The following CSMD3 variants were observed in gnomAD, a reference collection of about 807,000 sequenced individuals.
The protein encoded by CSMD3 is CUB and Sushi multiple domains 3, also known as CUB and sushi domain-containing protein 3.
In CSMD3, 177 loss-of-function variants were observed where a neutral mutation model predicts 435.2. The observed-to-expected ratio is 0.41, with a 90% confidence interval of 0.36 to 0.46. The LOEUF (loss-of-function observed/expected upper bound fraction) is 0.46, where lower values mean the gene tolerates loss of function less well. CSMD3 is among the 20% of genes least tolerant of loss of function. The pLI is 0.34. For missense variants in CSMD3, 4,265 were observed against 4,504.6 expected (o/e 0.95, Z 1.52); for synonymous variants, 1,656 against 1,520.5 (o/e 1.09, Z -2.07).
At chr8:113,236,612 T>TA (rs1320115691) in intron 3 of CSMD3, among the ~76,000 whole-genome samples, 1 of 152,112 alleles carries the variant, frequency 6.6e-6, no homozygotes, top group Non-Finnish European at 1.5e-5. Flanking sequence ...CTCCAGGACT[T>TA]AGACTAGGGG....
At chr8:112,791,076 T>C (rs1320198841) in intron 13 of CSMD3, among the ~76,000 whole-genome samples, 17 of 151,890 alleles carry the variant, frequency 1.1e-4, no homozygotes, top group Admixed American at 1.1e-3. Context: ...TAACCTCAGG[T>C]CTTTGGGAAG....
rs572159822 is a variant in CSMD3 at position 112,258,218 on chromosome 8, C to T, written c.9863-2791G>A. Among the ~76,000 whole-genome samples the T allele has an allele frequency of 4.6e-5, 7 of 152,146 alleles. No individual in the cohort carries two copies. In the South Asian group the frequency reaches 6.2e-4, roughly 14 times the overall value. On this transcript the variant is annotated intron_variant, in intron 61 of 70. Transcript: ENST00000297405. ...ACAATACCAATCAGGACATAGGCATCGGCAAAGACTTCATGTCTAAAACAC... is the reference window on the plus strand; with the variant it reads ...ACAATACCAATCAGGACATAGGCATTGGCAAAGACTTCATGTCTAAAACAC...
intron 5 of CSMD3, among the ~76,000 whole-genome samples, chr8:113,059,272 T>C (rs754420457): frequency 1.2e-4 from 19 of 152,134 alleles, no homozygotes; most frequent in Non-Finnish European, 1.9e-4. Flanking sequence ...AAGCTTATTA[T>C]ACTGGTGCTT....
chr8:113,148,967 A>ATATG (rs2091742774), intron 4 of CSMD3, among the ~76,000 whole-genome samples: 1 of 151,698 alleles, frequency 6.6e-6, no homozygotes. Context: ...ATATATATGC[A>ATATG]CATATATACA....
intron 59 of CSMD3, among the ~76,000 whole-genome samples, chr8:112,267,750 T>G (rs1402079243): frequency 1.3e-5 from 2 of 152,126 alleles, no homozygotes; most frequent in African/African-American, 4.8e-5. Context: ...GAAAGAGTTC[T>G]GCACATCATG....
At chr8:112,265,162 T>C (rs926804382) in intron 60 of CSMD3, among the ~76,000 whole-genome samples, 1 of 152,002 alleles carries the variant, frequency 6.6e-6, no homozygotes, top group Non-Finnish European at 1.5e-5. Flanking sequence ...CATAATATTT[T>C]ACTTATTTTT....
chr8:113,131,548 T>C (rs1249500609), intron 4 of CSMD3, among the ~76,000 whole-genome samples: 6 of 151,992 alleles, frequency 3.9e-5, no homozygotes. Flanking sequence ...TCTGCCCAGA[T>C]TTCACAGGAT....
chr8:113,164,726 T>A (rs1463934757), intron 4 of CSMD3, among the ~76,000 whole-genome samples: 1 of 152,056 alleles, frequency 6.6e-6, no homozygotes, highest in African/African-American at 2.4e-5. Flanking sequence ...CGTATATCTT[T>A]TACTTAACTT....
At chr8:112,736,307 T>G (rs978581616) in intron 13 of CSMD3, among the ~76,000 whole-genome samples, 1 of 152,022 alleles carries the variant, frequency 6.6e-6, no homozygotes, top group Non-Finnish European at 1.5e-5. Flanking sequence ...CAAAAATACC[T>G]TTGTTGGTTC....
Position 112,351,203 on chromosome 8 carries a change from T to A in CSMD3, c.6297A>T (p.Arg2099Ser). The A allele has an allele frequency of 6.2e-7, 1 of 1,608,862 alleles. No individual in the cohort carries two copies. Among genetic ancestry groups the A allele is most frequent in the Non-Finnish European group, 8.5e-7 (1 of 1,175,664 alleles). ...HITCMPGPVR[R>S]WNYPIPICLA... is the part of the protein sequence containing the mutation. ...AACAAATTGGGATTGGATAATTCCA[T>A]CTTCTTACAGGTCCTGGCATACATG... The change falls in exon 40 of 71, where the codon AGA becomes AGT. Residue 2099 changes from arginine (R) to serine (S), a missense_variant. By Grantham distance (110) the Arg-to-Ser change is moderately radical. Coordinates refer to ENST00000297405, the MANE Select transcript of CSMD3 (RefSeq NM_198123.2).
chr8:112,931,963 G>A (rs1013267729), intron 9 of CSMD3, among the ~76,000 whole-genome samples: 5 of 152,168 alleles, frequency 3.3e-5, no homozygotes, highest in Admixed American at 3.3e-4. Context: ...TGGTGAGGAT[G>A]CGGAGGAAAG....
At chr8:113,072,896 C>CTT (rs2089185519) in intron 5 of CSMD3, among the ~76,000 whole-genome samples, 1 of 151,746 alleles carries the variant, frequency 6.6e-6, no homozygotes, top group Non-Finnish European at 1.5e-5. Flanking sequence ...AATTTTCAAG[C>CTT]TTCTGTGCTG....
At chr8:113,033,673 T>A (rs1017546786) in intron 5 of CSMD3, among the ~76,000 whole-genome samples, 3 of 150,934 alleles carry the variant, frequency 2.0e-5, no homozygotes, top group African/African-American at 7.3e-5. Flanking sequence ...TGGACTTGGA[T>A]TTTTGGGTTA....
chr8:112,855,312 C>T (rs1269722305), intron 11 of CSMD3, among the ~76,000 whole-genome samples: 3 of 152,074 alleles, frequency 2.0e-5, no homozygotes, highest in African/African-American at 7.2e-5. Context: ...ATTTAAAACT[C>T]TTAGTGTGAA....
chr8:112,531,235 C>T (rs1825501642), intron 27 of CSMD3, among the ~76,000 whole-genome samples: 1 of 152,122 alleles, frequency 6.6e-6, no homozygotes, highest in African/African-American at 2.4e-5. Context: ...GCCACTGCTC[C>T]CATCAATTCT....
chr8:112,833,725 T>C (rs746571102), intron 11 of CSMD3, among the ~76,000 whole-genome samples: 2 of 151,762 alleles, frequency 1.3e-5, no homozygotes, highest in Non-Finnish European at 3.0e-5. Flanking sequence ...TAGGTTTGCA[T>C]GGTATTCATA....
chr8:112,411,658 T>C (rs886211261), intron 32 of CSMD3, among the ~76,000 whole-genome samples: 3 of 152,058 alleles, frequency 2.0e-5, no homozygotes, highest in Admixed American at 2.0e-4. Flanking sequence ...TAAACTGATA[T>C]ATTATAATAA....
intron 32 of CSMD3, among the ~76,000 whole-genome samples, chr8:112,421,606 A>G (rs1292152817): frequency 2.0e-5 from 3 of 147,142 alleles, no homozygotes; most frequent in Non-Finnish European, 4.5e-5. Flanking sequence ...ATATAATAAT[A>G]TATGTATATA....
chr8:112,459,253 T>A (rs1817185338), intron 32 of CSMD3, among the ~76,000 whole-genome samples: 1 of 151,744 alleles, frequency 6.6e-6, no homozygotes, highest in Non-Finnish European at 1.5e-5. Context: ...CTAAATTTGA[T>A]CCTCCTGTTA....
Sources: allele counts gnomAD v4.1 joint callset (sites outside exome capture counted in the v4.1 genomes callset), GRCh38; gene constraint gnomAD v4.1.1; transcripts MANE v1.5; gene names NCBI Gene and HGNC (gene_info 2026-07-23, HGNC 2026-07-21).